The following NCAPD3 variants were observed in gnomAD, a reference collection of about 807,000 sequenced individuals.
The protein encoded by NCAPD3 is non-SMC condensin II complex subunit D3.
Under a neutral mutation model 182.9 loss-of-function variants are expected in NCAPD3, and 105 were observed. The ratio of observed to expected loss-of-function variants is 0.57; its 90% CI spans 0.49 to 0.68. The LOEUF (loss-of-function observed/expected upper bound fraction) is 0.68. Ranked by LOEUF, NCAPD3 falls within the 30% of genes least tolerant of loss-of-function variation. The pLI, the probability that NCAPD3 is intolerant of heterozygous loss-of-function variation, is 0.00. For synonymous variants in NCAPD3, 815 were observed against 679.9 expected (o/e 1.20, Z -3.09); for missense variants, 1,944 against 1,837.0 (o/e 1.06, Z -1.07).
At chr11:134,185,258 A>G (rs1337674457) in intron 17 of NCAPD3, 77 bp downstream of exon 17, 1 of 1,315,158 alleles carries the variant, frequency 7.6e-7, no homozygotes, top group Non-Finnish European at 1.0e-6. Flanking sequence ...GCTATGAAAA[A>G]GCTCACTTCC....
intron 16 of NCAPD3, among the ~76,000 whole-genome samples, chr11:134,189,085 T>C (rs529982019): frequency 8.5e-5 from 13 of 152,276 alleles, no homozygotes; most frequent in African/African-American, 3.1e-4. Context: ...AATTTTAGAC[T>C]AAAAAATGCC....
intron 1 of NCAPD3, chr11:134,223,374 C>T: frequency 1.4e-6 from 1 of 699,102 alleles, no homozygotes; most frequent in Non-Finnish European, 2.6e-6. Context: ...GCAGAAATGC[C>T]ATGACTCCTG....
intron 23 of NCAPD3, among the ~76,000 whole-genome samples, chr11:134,176,718 T>A (rs573900643): frequency 6.6e-6 from 1 of 152,280 alleles, no homozygotes; most frequent in East Asian, 1.9e-4. Flanking sequence ...GTTCTCCCCA[T>A]TATAGGCCAA....
chr11:134,164,110 G>A (rs983402699), intron 27 of NCAPD3, among the ~76,000 whole-genome samples: 1 of 152,156 alleles, frequency 6.6e-6, no homozygotes, highest in Non-Finnish European at 1.5e-5. Flanking sequence ...CCAGAGGCCA[G>A]GTGGGAAATA....
At position 134,192,907 on chromosome 11, in the gene NCAPD3, A is replaced by G; in HGVS notation, c.1827T>C (p.Ala609=). ...TCTGGATCTGCACGCATCTAGGCTG[A>G]GCCTTAGGAGTGAAAGATTATGACA... is the stretch of plus-strand genomic sequence containing the variant. ...ALQSLTELLM[A]QPRCVQIQKA... The change falls in exon 16 of 35, where the codon GCT becomes GCC. Residue 609 remains alanine (A), a splice_region_variant and synonymous_variant. Transcript: ENST00000534548. 1.3e-6 allele frequency: 2 copies of G among 1,587,868 alleles called. No individual in the cohort carries two copies. The highest frequency in any genetic ancestry group is 1.7e-6 in the Non-Finnish European group (2 of 1,156,430).
chr11:134,201,013 T>C (rs1190684264), intron 13 of NCAPD3, among the ~76,000 whole-genome samples: 1 of 150,104 alleles, frequency 6.7e-6, no homozygotes, highest in Non-Finnish European at 1.5e-5. Flanking sequence ...ATGCGGAATG[T>C]CCAGAATAGG....
chr11:134,209,005 T>G (rs559049448), intron 6 of NCAPD3, 54 bp from the exon 7 acceptor site: 4 of 1,484,166 alleles, frequency 2.7e-6, no homozygotes, highest in South Asian at 1.2e-5. Context: ...CTTGGAATAT[T>G]TCTTAGTCCT....
At chr11:134,156,825 C>T (rs1943433521) in intron 32 of NCAPD3, 193 bp downstream of exon 32, 7 of 494,610 alleles carry the variant, frequency 1.4e-5, no homozygotes, top group Non-Finnish European at 2.5e-5. Flanking sequence ...GACACTGGAA[C>T]AACATACTCG....
At chr11:134,184,600 A>AG in intron 19 of NCAPD3, 37 bp downstream of exon 19, 1 of 1,431,806 alleles carries the variant, frequency 7.0e-7, no homozygotes, top group Non-Finnish European at 9.7e-7. Flanking sequence ...CTAAGCTCAA[A>AG]GAAGTCAGAA....
intron 27 of NCAPD3, among the ~76,000 whole-genome samples, chr11:134,165,903 A>G (rs1291532237): frequency 9.3e-6 from 1 of 107,090 alleles, no homozygotes; most frequent in Non-Finnish European, 1.9e-5. Flanking sequence ...GGAGGGGCAC[A>G]CTCACTAGTG....
intron 13 of NCAPD3, among the ~76,000 whole-genome samples, chr11:134,202,006 C>T (rs1323226884): frequency 6.6e-6 from 1 of 152,180 alleles, no homozygotes; most frequent in East Asian, 1.9e-4. Flanking sequence ...TACATGTGTG[C>T]ACAATTGTAT....
At chr11:134,164,495 G>A (rs866637659) in intron 27 of NCAPD3, among the ~76,000 whole-genome samples, 1 of 152,250 alleles carries the variant, frequency 6.6e-6, no homozygotes, top group East Asian at 1.9e-4. Context: ...CATGGCACCA[G>A]GATTCCAGGG....
chr11:134,214,001 C>T (rs1009986995), intron 3 of NCAPD3, among the ~76,000 whole-genome samples: 5 of 151,838 alleles, frequency 3.3e-5, no homozygotes, highest in African/African-American at 1.2e-4. Context: ...CTCTCAACAA[C>T]AGATAGAACA....
At chr11:134,206,758 T>G (rs1446049928) in intron 7 of NCAPD3, 26 bp from the exon 8 acceptor site, 1 of 1,593,914 alleles carries the variant, frequency 6.3e-7, no homozygotes, top group South Asian at 1.1e-5. Context: ...AAATTCAATT[T>G]AAGATCGGAT....
At chr11:134,156,167 C>T (rs1943414545) in intron 32 of NCAPD3, among the ~76,000 whole-genome samples, 1 of 152,204 alleles carries the variant, frequency 6.6e-6, no homozygotes. Context: ...GGCTCAGCGC[C>T]CAGCTCTGCC....
intron 8 of NCAPD3, among the ~76,000 whole-genome samples, chr11:134,206,281 A>G (rs189415031): frequency 1.3e-5 from 2 of 152,244 alleles, no homozygotes; most frequent in Admixed American, 6.5e-5. Context: ...ACTGGCTGCA[A>G]TGAAGCAGAC....
Position 134,218,110 on chromosome 11 carries a change from A to G in NCAPD3, c.220-1012T>C, listed in dbSNP as rs1146211. Reference sequence around the variant, plus strand: ...AAGACCCTGGTCTCAAAAAAAAAAAAGGGGGGGGGGGGAAGAAATCATCTC... The same window carrying G: ...AAGACCCTGGTCTCAAAAAAAAAAAGGGGGGGGGGGGGAAGAAATCATCTC... On this transcript the variant is annotated intron_variant, in intron 2 of 34. Transcript: ENST00000534548. Among the ~76,000 whole-genome samples the G allele has an allele frequency of 2.8e-3, 164 of 59,526 alleles. 1 individual carries two copies. The highest frequency in any genetic ancestry group is 6.0e-3 in the African/African-American group (93 of 15,434). The allele number at this position is 59,526 out of a possible 152,430, so 39.1% of individuals were successfully genotyped here.
chr11:134,216,181 C>G (rs893139426), intron 3 of NCAPD3, among the ~76,000 whole-genome samples: 1 of 152,192 alleles, frequency 6.6e-6, no homozygotes, highest in East Asian at 1.9e-4. Flanking sequence ...GCATTAACAA[C>G]AACACAAATC....
At chr11:134,181,917 G>A (rs1032447799) in intron 19 of NCAPD3, among the ~76,000 whole-genome samples, 5 of 152,180 alleles carry the variant, frequency 3.3e-5, no homozygotes, top group East Asian at 3.8e-4. Context: ...CTCCTCTGTA[G>A]TGCCTTAGGA....
Sources: allele counts gnomAD v4.1 joint callset (sites outside exome capture counted in the v4.1 genomes callset), GRCh38; gene constraint gnomAD v4.1.1; transcripts MANE v1.5; gene names NCBI Gene and HGNC (gene_info 2026-07-23, HGNC 2026-07-21).